ERP44: variants seen among roughly 807,000 people sequenced by gnomAD.
ERP44 encodes the protein endoplasmic reticulum protein 44, also known as endoplasmic reticulum resident protein 44.
ERP44 carries 25 observed loss-of-function variants against 53.4 expected under a neutral mutation model. The ratio of observed to expected loss-of-function variants is 0.47; its 90% confidence interval spans 0.34 to 0.65. The LOEUF is 0.65. ERP44 is among the 30% of genes least tolerant of loss of function. The probability of loss-of-function intolerance (pLI) is 0.01; values close to 1 mark genes in which losing one functional copy is unlikely to be tolerated. For missense variants in ERP44, 338 were observed against 493.2 expected (o/e 0.69, Z 2.98); for synonymous variants, 145 against 161.2 (o/e 0.90, Z 0.76).
chr9:100,042,365 T>A (rs1825914040), intron 4 of ERP44, among the ~76,000 whole-genome samples: 2 of 152,138 alleles, frequency 1.3e-5, no homozygotes, highest in Admixed American at 1.3e-4. Flanking sequence ...TGAGATACTA[T>A]CTCACCCCAG....
At chr9:99,985,198 G>T in intron 10 of ERP44, 129 bp from the exon 11 acceptor site, 1 of 612,242 alleles carries the variant, frequency 1.6e-6, no homozygotes, top group Non-Finnish European at 2.9e-6. Context: ...TTGCAGGCCA[G>T]GTATGTGTGA....
At chr9:99,998,738 T>G in intron 10 of ERP44, 1 of 738,844 alleles carries the variant, frequency 1.4e-6, no homozygotes, top group African/African-American at 1.8e-5. Flanking sequence ...TCTCTTTTCT[T>G]TTTTCCTCTT....
chr9:100,067,564 G>A (rs1447979741), intron 1 of ERP44, among the ~76,000 whole-genome samples: 19 of 152,204 alleles, frequency 1.2e-4, no homozygotes, highest in Non-Finnish European at 2.2e-4. Context: ...CCAGCCGCCT[G>A]CCTTGGCCTC....
chr9:100,051,585 G>A (rs1178997206), intron 4 of ERP44, among the ~76,000 whole-genome samples: 1 of 151,768 alleles, frequency 6.6e-6, no homozygotes, highest in Non-Finnish European at 1.5e-5. Context: ...TTAAAAGTGA[G>A]CATTAAAAAA....
Position 100,088,465 on chromosome 9 carries a change from G to A in ERP44, c.57+10319C>T, listed in dbSNP as rs77631168. ...ACTTGCTTCAAGGCTCACCTGTCCCGTGATGCTTACAAACTACAACTCCCC... is the reference window on the plus strand; with the variant it reads ...ACTTGCTTCAAGGCTCACCTGTCCCATGATGCTTACAAACTACAACTCCCC... On this transcript the variant is annotated intron_variant, in intron 1 of 11. Coordinates refer to ENST00000262455, the MANE Select transcript of ERP44 (RefSeq NM_015051.3). 6.8e-3 allele frequency among the ~76,000 whole-genome samples: 1,039 copies of A among 152,286 alleles called. 6 individuals are homozygous for A. The highest frequency in any genetic ancestry group is 0.011 in the Admixed American group (161 of 15,296).
chr9:100,096,320 A>G (rs1193222822), intron 1 of ERP44, among the ~76,000 whole-genome samples: 1 of 152,086 alleles, frequency 6.6e-6, no homozygotes, highest in Non-Finnish European at 1.5e-5. Flanking sequence ...CACCTTAGAT[A>G]GGAAGATAAG....
At chr9:100,049,471 C>T (rs548300003) in intron 4 of ERP44, among the ~76,000 whole-genome samples, 2 of 152,276 alleles carry the variant, frequency 1.3e-5, no homozygotes, top group Non-Finnish European at 1.5e-5. Context: ...TGAACAGACA[C>T]ATCATCACAG....
chr9:99,997,289 A>G (rs1056092582), intron 10 of ERP44, among the ~76,000 whole-genome samples: 1 of 152,176 alleles, frequency 6.6e-6, no homozygotes, highest in Non-Finnish European at 1.5e-5. Flanking sequence ...CACCACATCC[A>G]CGCCAACATC....
chr9:100,098,786 G>A lies in ERP44; in HGVS notation c.55C>T (p.Leu19=), dbSNP rs1301873225. ...GGGTCTGTCATTCCCTCACTCACCAGGAGCAGAAGGGAGCATCTGAGGTCG... is the reference window on the plus strand; with the variant it reads ...GGGTCTGTCATTCCCTCACTCACCAAGAGCAGAAGGGAGCATCTGAGGTCG... ...LPDLRCSLLL[L]VTWVFTPVTT... Residue 19 remains leucine (L), a splice_region_variant and synonymous_variant, in exon 1 of 12, where the codon CTG becomes TTG. Coordinates refer to ENST00000262455, the MANE Select transcript of ERP44 (RefSeq NM_015051.3). 6.2e-7 allele frequency: 1 copy of A among 1,613,620 alleles called. No individual in the cohort carries two copies. Among genetic ancestry groups the A allele is most frequent in the Non-Finnish European group, 8.5e-7 (1 of 1,179,596 alleles).
chr9:100,017,314 G>A (rs1376975258), intron 7 of ERP44, among the ~76,000 whole-genome samples: 2 of 152,164 alleles, frequency 1.3e-5, no homozygotes, highest in Non-Finnish European at 2.9e-5. Flanking sequence ...AGAAACTGAA[G>A]CGCGGGGAAG....
chr9:100,093,226 C>A (rs1826581517), intron 1 of ERP44, among the ~76,000 whole-genome samples: 1 of 152,156 alleles, frequency 6.6e-6, no homozygotes, highest in Non-Finnish European at 1.5e-5. Flanking sequence ...TTAAACATCT[C>A]CAAGGGTTTT....
intron 1 of ERP44, among the ~76,000 whole-genome samples, chr9:100,093,643 TG>T (rs1554711458): frequency 1.3e-5 from 2 of 150,472 alleles, no homozygotes; most frequent in Non-Finnish European, 3.0e-5. Context: ...ACCCTGTCTG[TG>T]GGGGGGGAAA....
intron 1 of ERP44, among the ~76,000 whole-genome samples, chr9:100,096,839 T>C (rs2118768714): frequency 6.6e-6 from 1 of 152,240 alleles, no homozygotes; most frequent in South Asian, 2.1e-4. Context: ...GGACAAATTA[T>C]TAGACAGCGA....
intron 3 of ERP44, among the ~76,000 whole-genome samples, chr9:100,057,160 G>A (rs906015663): frequency 2.0e-5 from 3 of 152,156 alleles, no homozygotes; most frequent in African/African-American, 4.8e-5. Context: ...GAGTGTCTAG[G>A]GATAAAGACT....
chr9:100,006,950 A>G (rs1830430171), intron 9 of ERP44, among the ~76,000 whole-genome samples: 1 of 152,224 alleles, frequency 6.6e-6, no homozygotes, highest in Admixed American at 6.5e-5. Context: ...ATCAGGTTCT[A>G]GGCAGGAAGT....
chr9:99,990,593 G>A (rs1349519660), intron 10 of ERP44, among the ~76,000 whole-genome samples: 5 of 152,180 alleles, frequency 3.3e-5, no homozygotes, highest in African/African-American at 1.2e-4. Flanking sequence ...ATGCTAGGAA[G>A]AAACTGCATC....
At chr9:100,012,138 A>G (rs1344852478) in intron 8 of ERP44, among the ~76,000 whole-genome samples, 1 of 152,204 alleles carries the variant, frequency 6.6e-6, no homozygotes, top group Non-Finnish European at 1.5e-5. Flanking sequence ...AAACCAAAAA[A>G]AAGAGACTTT....
intron 9 of ERP44, among the ~76,000 whole-genome samples, chr9:100,007,200 T>G (rs557263510): frequency 6.6e-6 from 1 of 152,376 alleles, no homozygotes; most frequent in South Asian, 2.1e-4. Flanking sequence ...TACTCAACTT[T>G]CTTTCATTTA....
intron 10 of ERP44, among the ~76,000 whole-genome samples, chr9:100,004,671 G>A (rs1435002730): frequency 6.6e-6 from 1 of 152,136 alleles, no homozygotes; most frequent in African/African-American, 2.4e-5. Flanking sequence ...GAGGGGTGGT[G>A]CAAGTAGCAT....
Sources: gnomAD v4.1 joint callset for allele counts (sites outside exome capture counted in the v4.1 genomes callset) on GRCh38, gnomAD v4.1.1 for gene constraint, MANE v1.5 for transcripts, NCBI Gene and HGNC (gene_info 2026-07-23, HGNC 2026-07-21) for gene names.